SEMA3A: variants seen among roughly 807,000 people sequenced by gnomAD.
SEMA3A encodes the protein semaphorin-3A.
In SEMA3A, 29 loss-of-function variants were observed where a neutral mutation model predicts 97.9. That is an observed-to-expected ratio of 0.30 (90% CI 0.22 to 0.40). The LOEUF (loss-of-function observed/expected upper bound fraction) is 0.40, where lower values mean the gene tolerates loss of function less well. Ranked by LOEUF, SEMA3A falls within the 10% of genes least tolerant of loss-of-function variation. The probability of loss-of-function intolerance (pLI) is 1.00; values close to 1 mark genes in which losing one functional copy is unlikely to be tolerated. For missense variants in SEMA3A, 763 were observed against 951.3 expected (o/e 0.80, Z 2.60); for synonymous variants, 321 against 323.7 (o/e 0.99, Z 0.09).
intron 15 of SEMA3A, among the ~76,000 whole-genome samples, chr7:83,968,800 T>C (rs983300071): frequency 5.6e-4 from 82 of 146,184 alleles, no homozygotes; most frequent in Non-Finnish European, 1.1e-3. Flanking sequence ...TTTTCTTTTC[T>C]TTCCTTTTTT....
chr7:84,289,421 A>G (rs893692375), intron 3 of SEMA3A, among the ~76,000 whole-genome samples: 1 of 152,126 alleles, frequency 6.6e-6, no homozygotes, highest in Non-Finnish European at 1.5e-5. Flanking sequence ...GAATATGCCA[A>G]TTATCTTCAT....
At chr7:84,421,013 A>AT (rs1194741783) in intron 1 of SEMA3A, among the ~76,000 whole-genome samples, 1 of 151,444 alleles carries the variant, frequency 6.6e-6, no homozygotes, top group Non-Finnish European at 1.5e-5. Flanking sequence ...GATCTTAGTT[A>AT]TTTCTTTTCT....
intron 1 of SEMA3A, among the ~76,000 whole-genome samples, chr7:84,490,996 G>A (rs1020953304): frequency 1.3e-5 from 2 of 152,040 alleles, no homozygotes; most frequent in East Asian, 1.9e-4. Context: ...GTGAAACTCC[G>A]TTTACTCCAC....
chr7:84,209,793 T>A (rs1336088897), intron 3 of SEMA3A, among the ~76,000 whole-genome samples: 1 of 152,170 alleles, frequency 6.6e-6, no homozygotes, highest in Non-Finnish European at 1.5e-5. Flanking sequence ...TATAAATTTA[T>A]TAAATAAAAA....
chr7:84,189,678 T>C (rs969584893), intron 1 of SEMA3A, among the ~76,000 whole-genome samples: 1 of 151,716 alleles, frequency 6.6e-6, no homozygotes, highest in Non-Finnish European at 1.5e-5. Flanking sequence ...TTATTCACAT[T>C]AAGCATAATA....
At chr7:84,225,760 G>A (rs758498462) in intron 3 of SEMA3A, among the ~76,000 whole-genome samples, 2 of 152,094 alleles carry the variant, frequency 1.3e-5, no homozygotes, top group Non-Finnish European at 2.9e-5. Context: ...AAAGGTGCGT[G>A]TAGGATGTGG....
chr7:84,161,259 G>C (rs574610332), intron 1 of SEMA3A, among the ~76,000 whole-genome samples: 2 of 151,768 alleles, frequency 1.3e-5, no homozygotes, highest in South Asian at 4.2e-4. Context: ...AGCTACTCAG[G>C]AGGCTGAGGC....
chr7:84,468,807 TTTTTA>T (rs1806068954), intron 1 of SEMA3A, among the ~76,000 whole-genome samples: 1 of 151,828 alleles, frequency 6.6e-6, no homozygotes, highest in African/African-American at 2.4e-5. Flanking sequence ...TCAAGAATAG[TTTTTA>T]TTTTCTTTTT....
At chr7:84,276,386 C>T (rs2115724212) in intron 3 of SEMA3A, among the ~76,000 whole-genome samples, 1 of 152,102 alleles carries the variant, frequency 6.6e-6, no homozygotes, top group South Asian at 2.1e-4. Flanking sequence ...TTGTCTGTTT[C>T]ATAAAAAACA....
chr7:84,221,245 G>A lies in SEMA3A; in HGVS notation c.-82-26577C>T, dbSNP rs62477013. ...CTCTCAGCCTTCACAGAATTGGAGA[G>A]TTAGGACCTTGCTTTGGATTAGACT... is the stretch of plus-strand genomic sequence containing the variant. On this transcript the variant is annotated intron_variant, in intron 3 of 3. Coordinates refer to the SEMA3A transcript ENST00000424555. Among the ~76,000 whole-genome samples the A allele has an allele frequency of 5.8e-3, 886 of 152,220 alleles. 5 individuals carry two copies. Among genetic ancestry groups the A allele is most frequent in the Non-Finnish European group, 8.9e-3 (608 of 67,988 alleles).
intron 3 of SEMA3A, among the ~76,000 whole-genome samples, chr7:84,293,433 C>A (rs1800798582): frequency 6.6e-6 from 1 of 151,898 alleles, no homozygotes; most frequent in African/African-American, 2.4e-5. Flanking sequence ...TAGACTAGGG[C>A]AAGCCATTTG....
chr7:84,412,052 T>G (rs938432601), intron 1 of SEMA3A, among the ~76,000 whole-genome samples: 4 of 152,178 alleles, frequency 2.6e-5, no homozygotes, highest in African/African-American at 7.2e-5. Flanking sequence ...CTTTTCTTAT[T>G]GTGCTGGGCA....
At chr7:84,001,700 T>C (rs1790461170) in intron 12 of SEMA3A, among the ~76,000 whole-genome samples, 1 of 152,022 alleles carries the variant, frequency 6.6e-6, no homozygotes, top group African/African-American at 2.4e-5. Context: ...AAATGTAATA[T>C]AAAATGTAAA....
intron 12 of SEMA3A, among the ~76,000 whole-genome samples, chr7:83,997,352 C>T (rs919676669): frequency 2.0e-5 from 3 of 152,134 alleles, no homozygotes; most frequent in Admixed American, 1.3e-4. Flanking sequence ...AATTTCTCTG[C>T]TTATTTCACT....
At chr7:84,051,648 G>A (rs1325097306) in intron 5 of SEMA3A, among the ~76,000 whole-genome samples, 17 of 152,030 alleles carry the variant, frequency 1.1e-4, no homozygotes, top group Admixed American at 3.3e-4. Flanking sequence ...CGATCATGTC[G>A]TCTGCAAACA....
intron 4 of SEMA3A, 147 bp downstream of exon 4, chr7:84,110,323 G>T (rs1383690736): frequency 3.6e-6 from 3 of 827,200 alleles, no homozygotes; most frequent in East Asian, 2.6e-5. Flanking sequence ...TGCATTCACA[G>T]ATTAAAATTA....
chr7:84,319,672 T>A (rs1162823162), intron 2 of SEMA3A, among the ~76,000 whole-genome samples: 1 of 152,188 alleles, frequency 6.6e-6, no homozygotes, highest in African/African-American at 2.4e-5. Flanking sequence ...TGTGACATTA[T>A]CACCAAAATA....
At chr7:83,987,247 G>C (rs531950347) in intron 12 of SEMA3A, among the ~76,000 whole-genome samples, 180 of 152,104 alleles carry the variant, frequency 1.2e-3, no homozygotes, top group African/African-American at 4.2e-3. Context: ...ATTGAGGATT[G>C]AGAAGAAGGT....
chr7:83,995,510 T>G (rs576425160), intron 12 of SEMA3A, among the ~76,000 whole-genome samples: 3 of 152,320 alleles, frequency 2.0e-5, no homozygotes, highest in East Asian at 1.9e-4. Flanking sequence ...CAGTTTGGAA[T>G]AAGATGCACT....
Sources: gnomAD v4.1 joint callset for allele counts (sites outside exome capture counted in the v4.1 genomes callset) on GRCh38, gnomAD v4.1.1 for gene constraint, MANE v1.5 for transcripts, NCBI Gene and HGNC (gene_info 2026-07-23, HGNC 2026-07-21) for gene names.